The following RGPD2 variants were observed in gnomAD, a reference collection of about 807,000 sequenced individuals.
RGPD2 encodes RANBP2-like and GRIP domain-containing protein 2.
Under a neutral mutation model 36.0 loss-of-function variants are expected in RGPD2, and 2 were observed. That is an observed-to-expected ratio of 0.06 (90% CI 0.02 to 0.17). The LOEUF is 0.17. Ranked by LOEUF, RGPD2 falls within the 10% of genes least tolerant of loss-of-function variation. RGPD2 has a pLI of 1.00. For synonymous variants in RGPD2, 19 were observed against 163.8 expected (o/e 0.12, Z 6.75); for missense variants, 40 against 464.3 (o/e 0.09, Z 8.40).
At chr2:87,884,786 T>C in the RGPD2 span, among the ~76,000 whole-genome samples, 1 of 151,986 alleles carries the variant, frequency 6.6e-6, no homozygotes, top group Admixed American at 6.6e-5. Flanking sequence ...GTAAAGAGAT[T>C]AAATAAAAAT....
At chr2:87,988,100 T>C in the RGPD2 span, among the ~76,000 whole-genome samples, 1 of 151,910 alleles carries the variant, frequency 6.6e-6, no homozygotes, top group Admixed American at 6.6e-5. Context: ...ATGTCCTGCT[T>C]TGGCAGTTAG....
the RGPD2 span, among the ~76,000 whole-genome samples, chr2:87,914,159 G>A: frequency 6.9e-6 from 1 of 144,078 alleles, no homozygotes; most frequent in Non-Finnish European, 1.5e-5. Context: ...CAGCATCCTT[G>A]CACAAATCAC....
At chr2:87,769,781 GT>G (rs1244374601) in intron 22 of RGPD2, among the ~76,000 whole-genome samples, 1 of 149,904 alleles carries the variant, frequency 6.7e-6, no homozygotes, top group Non-Finnish European at 1.5e-5. Context: ...TTTCTGTCTT[GT>G]TTTTTATAGG....
At chr2:87,848,769 T>A in the RGPD2 span, among the ~76,000 whole-genome samples, 1 of 146,560 alleles carries the variant, frequency 6.8e-6, no homozygotes, top group Non-Finnish European at 1.5e-5. Context: ...GGATACCACA[T>A]CAAAGGGCTT....
At chr2:87,913,880 C>G in the RGPD2 span, among the ~76,000 whole-genome samples, 1 of 152,048 alleles carries the variant, frequency 6.6e-6, no homozygotes, top group Non-Finnish European at 1.5e-5. Context: ...ACCTGACACT[C>G]TATGTAACAC....
intron 6 of RGPD2, among the ~76,000 whole-genome samples, chr2:87,809,739 C>G (rs1686097512): frequency 6.6e-6 from 1 of 151,660 alleles, no homozygotes; most frequent in Non-Finnish European, 1.5e-5. Context: ...GTCCTCCCCT[C>G]AGGCCCCCAA....
chr2:87,855,215 A>G, the RGPD2 span, among the ~76,000 whole-genome samples: 3 of 152,068 alleles, frequency 2.0e-5, no homozygotes, highest in Admixed American at 2.0e-4. Flanking sequence ...TTGTGTGGAC[A>G]AACGTTTTCC....
At chr2:87,861,621 G>A in the RGPD2 span, among the ~76,000 whole-genome samples, 1 of 152,082 alleles carries the variant, frequency 6.6e-6, no homozygotes. Flanking sequence ...AAATGGTAGG[G>A]AAAATTTTCA....
chr2:87,985,287 A>G, the RGPD2 span, among the ~76,000 whole-genome samples: 1 of 151,392 alleles, frequency 6.6e-6, no homozygotes, highest in African/African-American at 2.4e-5. Flanking sequence ...CTTCCTCTTC[A>G]CATCCCAAGC....
the RGPD2 span, among the ~76,000 whole-genome samples, chr2:87,986,638 G>A: frequency 6.6e-6 from 1 of 151,856 alleles, no homozygotes; most frequent in Non-Finnish European, 1.5e-5. Context: ...TAAGCACTTT[G>A]CGAGGTCAAG....
the RGPD2 span, among the ~76,000 whole-genome samples, chr2:87,849,361 T>C: frequency 6.6e-6 from 1 of 150,940 alleles, no homozygotes; most frequent in Non-Finnish European, 1.5e-5. Context: ...CTTATACTTA[T>C]CAGAATAATT....
chr2:87,807,371 C>G (rs60977370), intron 6 of RGPD2, among the ~76,000 whole-genome samples: 1 of 139,898 alleles, frequency 7.1e-6, no homozygotes, highest in South Asian at 2.1e-4. Flanking sequence ...ATCATTACAG[C>G]GTTAAATTGT....
chr2:87,825,448 CAGGCCGAGGCCG>C lies in RGPD2; in HGVS notation c.72+198_72+209del, dbSNP rs1302592551. 7.5e-3 allele frequency among the ~76,000 whole-genome samples: 818 copies of C among 109,170 alleles called. 20 individuals carry two copies. Among genetic ancestry groups the C allele is most frequent in the Non-Finnish European group, 0.012 (590 of 47,500 alleles). The allele number at this position is 109,170 out of a possible 152,430, so 71.6% of individuals were successfully genotyped here. ...GCCGCCGCCGCCGCCGCCGCCCGGC[CAGGCCGAGGCCG>C]AGGCCGAGGCCGCCGTCGCCGCCGC... On this transcript the variant is annotated intron_variant, in intron 1 of 22. Transcript: ENST00000398146.
the RGPD2 span, among the ~76,000 whole-genome samples, chr2:87,943,538 A>C: frequency 0.021 from 3,155 of 151,500 alleles, 198 homozygotes; most frequent in East Asian, 0.12. Context: ...TCTGGATATC[A>C]GTTCCTTGCT....
the RGPD2 span, among the ~76,000 whole-genome samples, chr2:87,924,456 C>T: frequency 6.6e-6 from 1 of 151,664 alleles, no homozygotes; most frequent in Non-Finnish European, 1.5e-5. Flanking sequence ...TTTTACAGCC[C>T]TAGAGACTTG....
At chr2:87,768,984 G>T (rs1180499791) in intron 22 of RGPD2, among the ~76,000 whole-genome samples, 24 of 948 alleles carry the variant, frequency 0.025, no homozygotes, top group Non-Finnish European at 0.04. Flanking sequence ...TTTTTTTTTT[G>T]AGATAAGAGT....
chr2:87,832,276 G>T, the RGPD2 span, among the ~76,000 whole-genome samples: 61 of 149,402 alleles, frequency 4.1e-4, 2 homozygotes, highest in South Asian at 3.8e-3. Flanking sequence ...GTTGCAAAAT[G>T]GTTGACTTGA....
chr2:87,943,420 T>TA, the RGPD2 span, among the ~76,000 whole-genome samples: 1 of 152,072 alleles, frequency 6.6e-6, no homozygotes, highest in South Asian at 2.1e-4. Flanking sequence ...CTATTCAGAC[T>TA]CTTTGCCTAT....
upstream of RGPD2, among the ~76,000 whole-genome samples, chr2:87,830,044 C>T (rs1353757747): frequency 2.8e-5 from 4 of 144,860 alleles, no homozygotes; most frequent in African/African-American, 7.8e-5. Flanking sequence ...TGGGTAAATA[C>T]ACCCAAATGG....
Sources: allele counts gnomAD v4.1 joint callset (sites outside exome capture counted in the v4.1 genomes callset), GRCh38; gene constraint gnomAD v4.1.1; transcripts MANE v1.5; gene names NCBI Gene and HGNC (gene_info 2026-07-23, HGNC 2026-07-21).